Variants in L1CAM observed in about 807,000 individuals in gnomAD.
L1CAM encodes the protein L1 cell adhesion molecule.
In L1CAM, 8 loss-of-function variants were observed where a neutral mutation model predicts 93.0. The observed-to-expected ratio is 0.09, with a 90% CI of 0.05 to 0.16. The LOEUF is 0.16. Among genes scored for constraint, L1CAM ranks in the 10% least tolerant of loss-of-function variants. L1CAM has a pLI of 1.00. For synonymous variants in L1CAM, 453 were observed against 453.0 expected (o/e 1.00, Z 0.00); for missense variants, 777 against 1,073.4 (o/e 0.72, Z 3.86).
Position 153,862,727 on chromosome X carries a change from G to A in L1CAM, c.3710C>T (p.Ala1237Val), listed in dbSNP as rs370546591. 3.4e-5 allele frequency: 41 copies of A among 1,210,824 alleles called. 1 individual carries two copies. Among genetic ancestry groups the A allele is most frequent in the South Asian group, 3.5e-5 (2 of 56,937 alleles). Reference sequence around the variant, plus strand: ...CCCTGAGCTGTCATTGCCCCCTGCCGCCTCCTTCTCCTTCTTGCCACTGTA... The same window carrying A: ...CCCTGAGCTGTCATTGCCCCCTGCCACCTCCTTCTCCTTCTTGCCACTGTA... ...GQYSGKKEKE[A>V]AGGNDSSGAT... is the part of the protein sequence containing the mutation. Residue 1237 changes from alanine (A) to valine (V), a missense_variant, in exon 29 of 29, where the codon GCG becomes GTG. By Grantham distance (64) the Ala-to-Val change is moderately conservative. This residue lies in a region of L1CAM where 110 missense variants were observed against 141.7 expected (regional missense o/e 0.78). Transcript: ENST00000370060.
chrX:153,865,515 A>G lies in L1CAM; in HGVS notation c.2548-15T>C. The G allele has an allele frequency of 1.7e-6, 2 of 1,202,844 alleles. No individual in the cohort carries two copies. The highest frequency in any genetic ancestry group is 2.3e-6 in the Non-Finnish European group (2 of 887,740). ...CAGTACGTCACCTGCACAAGCGAAC[A>G]GGAGACCTCGCAGGGGCAGAAGGCA... is the stretch of plus-strand genomic sequence containing the variant. On this transcript the variant is annotated splice_polypyrimidine_tract_variant and intron_variant, in intron 20 of 28. Coordinates refer to ENST00000370060, the MANE Select transcript of L1CAM (RefSeq NM_001278116.2).
rs1557090250 is a variant in L1CAM, at chrX:153,864,870, C to T, written c.2997G>A (p.Glu999=). Reference sequence around the variant, plus strand: ...CCCGTACGATGGCTTCACCAGGGCCCTCTTTGGTGGTGGCCTGAAGCTGGA... The same window carrying T: ...CCCGTACGATGGCTTCACCAGGGCCTTCTTTGGTGGTGGCCTGAAGCTGGA... ...YRFQLQATTK[E]GPGEAIVREG... Residue 999 remains glutamate, a synonymous_variant, in exon 23 of 29, where the codon GAG becomes GAA. Coordinates refer to ENST00000370060, the MANE Select transcript of L1CAM (RefSeq NM_001278116.2). The T allele has an allele frequency of 7.4e-6, 9 of 1,212,473 alleles. No individual in the cohort carries two copies. Among genetic ancestry groups the T allele is most frequent in the Non-Finnish European group, 8.9e-6 (8 of 895,613 alleles).
At position 153,867,981 on chromosome X, in the gene L1CAM, T is replaced by G. The variant is rs1350369684; in HGVS notation, c.1828+17A>C. On this transcript the variant is annotated intron_variant, in intron 15 of 28. Coordinates refer to ENST00000370060, the MANE Select transcript of L1CAM (RefSeq NM_001278116.2). ...GCCCCGGCCTTCTGGAGTGGAGGCT[T>G]CCACCCTAGGACTTACCCACCACCA... 8.3e-7 allele frequency: 1 copy of G among 1,208,282 alleles called. No individual in the cohort carries two copies. The highest frequency in any genetic ancestry group is 1.1e-6 in the Non-Finnish European group (1 of 894,674).
rs975377883 is a variant in L1CAM, at chrX:153,866,679, G to C, written c.2401C>G (p.Gln801Glu). ...VNSQGKGPEP[Q>E]VTIGYSGEDY... ...TCTCCAGAGTAGCCGATAGTGACCT[G>C]GGGCTCTGGTCCCTTGCCCTGGCTG... Residue 801 changes from glutamine (Q) to glutamate (E), a missense_variant, in exon 19 of 29, where the codon CAG becomes GAG. Transcript: ENST00000370060. The C allele has an allele frequency of 2.3e-5, 28 of 1,209,427 alleles. No homozygotes were observed. Among genetic ancestry groups the C allele is most frequent in the Non-Finnish European group, 3.0e-5 (27 of 894,637 alleles).
chrX:153,863,850 C>T (rs1279613213), intron 26 of L1CAM, 33 bp downstream of exon 26: 2 of 1,209,937 alleles, frequency 1.7e-6, no homozygotes, highest in Non-Finnish European at 1.1e-6. Context: ...CTGCCCTCGG[C>T]TCCACCCCCG....
At chrX:153,870,315 C>A (rs1033868452) in intron 8 of L1CAM, 73 bp downstream of exon 8, 75 of 1,177,473 alleles carry the variant, frequency 6.4e-5, no homozygotes, top group Non-Finnish European at 8.3e-5. Context: ...CTATACCCCG[C>A]GGTGGTCTGA....
At chrX:153,883,621 A>G (rs1162006737) in intron 1 of L1CAM, 1 of 284,310 alleles carries the variant, frequency 3.5e-6, no homozygotes, top group Non-Finnish European at 7.0e-6. Flanking sequence ...GGACCCTAGA[A>G]GGGCATCCAG....
chrX:153,864,506 G>C (rs1328615490), intron 24 of L1CAM, 29 bp from the exon 25 acceptor site: 3 of 1,209,415 alleles, frequency 2.5e-6, no homozygotes, highest in Non-Finnish European at 3.4e-6. Flanking sequence ...GGCAGCAGGG[G>C]TGAGTCGGAG....
In L1CAM at chrX:153,865,458, TCTTGCTGTG is replaced by T. The variant is rs1475828038; in HGVS notation, c.2581_2589del (p.His861_Lys863del). On this transcript the variant is annotated inframe_deletion, in exon 21 of 29. Transcript: ENST00000370060. ...ACCACATGGTCTTTGTGGATATGTCTCTTGCTGTGCTTCCTCTGACTGCCCTCCCTCCAG... is the reference window on the plus strand; with the variant it reads ...ACCACATGGTCTTTGTGGATATGTCTCTTCCTCTGACTGCCCTCCCTCCAG... The T allele has an allele frequency of 1.7e-6, 2 of 1,209,766 alleles. No homozygotes were observed. The highest frequency in any genetic ancestry group is 3.5e-5 in the African/African-American group (2 of 57,199).
At chrX:153,881,789 C>T (rs1054602899) in intron 1 of L1CAM, among the ~76,000 whole-genome samples, 12 of 111,052 alleles carry the variant, frequency 1.1e-4, no homozygotes, top group Non-Finnish European at 5.7e-5. Context: ...ATTCTTGTGT[C>T]GAAGGAGATA....
chrX:153,877,530 G>A (rs1557094920), intron 1 of L1CAM, among the ~76,000 whole-genome samples: 1 of 110,851 alleles, frequency 9.0e-6, no homozygotes, highest in East Asian at 2.8e-4. Context: ...GGGAGGCTGA[G>A]GCAGGAGAAT....
intron 2 of L1CAM, chrX:153,875,522 A>C (rs1182119655): frequency 2.0e-6 from 1 of 490,598 alleles, no homozygotes; most frequent in Non-Finnish European, 3.7e-6. Flanking sequence ...CTGGTGCTGA[A>C]ATCGCCCCGG....
At chrX:153,863,776 T>G in intron 26 of L1CAM, 107 bp downstream of exon 26, 1 of 1,100,494 alleles carries the variant, frequency 9.1e-7, no homozygotes, top group South Asian at 1.9e-5. Context: ...GCCTGTCATC[T>G]TGTGGGGAGC....
chrX:153,864,065 C>T (rs781885624), intron 25 of L1CAM, 48 bp from the exon 26 acceptor site: 2 of 1,205,123 alleles, frequency 1.7e-6, no homozygotes, highest in African/African-American at 1.7e-5. Context: ...AGCCAGAACC[C>T]GACCTGAGGC....
At chrX:153,881,341 C>G (rs1023271651) in intron 1 of L1CAM, among the ~76,000 whole-genome samples, 12 of 111,935 alleles carry the variant, frequency 1.1e-4, no homozygotes, top group African/African-American at 3.9e-4. Flanking sequence ...TAAGCTGCCT[C>G]TCAGAGGCTC....
Position 153,876,047 on chromosome X carries a change from C to A in L1CAM, c.-108-103G>T, listed in dbSNP as rs781867006. 3.5e-4 allele frequency: 160 copies of A among 458,331 alleles called. 1 individual carries two copies. In the Middle Eastern group the frequency reaches 4.1e-3, roughly 12 times the overall value. 37.8% of individuals were successfully genotyped at this position (458,331 alleles called of 1,213,427 possible). ...GGGTAAGCCCGGGCTCTTGGCCCCG[C>A]CCTCAGCCCCGCCCCCAGCTGGCCG... On this transcript the variant is annotated intron_variant, in intron 1 of 28. Coordinates refer to ENST00000370060, the MANE Select transcript of L1CAM (RefSeq NM_001278116.2).
intron 5 of L1CAM, 87 bp from the exon 6 acceptor site, chrX:153,871,266 G>GGGGGGGGGGGGGGGC: frequency 3.5e-5 from 17 of 490,569 alleles, no homozygotes; most frequent in East Asian, 1.8e-4. Context: ...GGGGTGGCGG[G>GGGGGGGGGGGGGGGC]CTACACCAGG....
intron 1 of L1CAM, chrX:153,880,766 C>T (rs1177546120): frequency 6.9e-6 from 2 of 290,894 alleles, no homozygotes; most frequent in East Asian, 2.3e-4. Flanking sequence ...GTAGACAGCA[C>T]ATAAAGGGGG....
rs191412165 is a variant in L1CAM, at chrX:153,869,966, G to A, written c.992-32C>T. ...GGAAGGGGAGAGCCGCCCTGAGCCC[G>A]CAGCCAGCAGCTGGCTCTTGACCCG... On this transcript the variant is annotated intron_variant, in intron 9 of 28. Transcript: ENST00000370060. 6,285 of 1,207,689 alleles carry A rather than the reference G, an allele frequency of 5.2e-3. 16 individuals are homozygous for A. The highest frequency in any genetic ancestry group is 0.014 in the Middle Eastern group (60 of 4,347).
Sources: gnomAD v4.1 joint callset for allele counts (sites outside exome capture counted in the v4.1 genomes callset) on GRCh38, gnomAD v4.1.1 for gene constraint, gnomAD v4.1.1 regional missense constraint, MANE v1.5 for transcripts, NCBI Gene and HGNC (gene_info 2026-07-23, HGNC 2026-07-21) for gene names.